The following WRN variants were observed in gnomAD, a reference collection of about 807,000 sequenced individuals.
The protein encoded by WRN is WRN RecQ like helicase, also known as bifunctional 3'-5' exonuclease/ATP-dependent helicase WRN.
WRN carries 149 observed loss-of-function variants against 180.7 expected under a neutral mutation model. The observed-to-expected ratio is 0.82, with a 90% CI of 0.72 to 0.94. The LOEUF (loss-of-function observed/expected upper bound fraction) is 0.94, where lower values mean the gene tolerates loss of function less well. Among genes scored for constraint, WRN ranks in the 40% least tolerant of loss-of-function variants. The pLI is 0.00. For missense variants in WRN, 1,661 were observed against 1,700.1 expected, an observed-to-expected ratio of 0.98 and a Z score of 0.40; for synonymous variants, 548 against 568.9, an observed-to-expected ratio of 0.96 and a Z score of 0.52.
intron 31 of WRN, among the ~76,000 whole-genome samples, chr8:31,154,194 A>G (rs531506177): frequency 3.3e-5 from 5 of 151,996 alleles, no homozygotes; most frequent in African/African-American, 1.2e-4. Context: ...ATATGTAGAG[A>G]GAGTGTTATG....
At chr8:31,066,340 C>T (rs1812703296) in intron 5 of WRN, among the ~76,000 whole-genome samples, 1 of 152,060 alleles carries the variant, frequency 6.6e-6, no homozygotes. Flanking sequence ...CGTGCCACCA[C>T]ACCCAGCTAA....
intron 23 of WRN, among the ~76,000 whole-genome samples, chr8:31,129,073 G>GCTCAAGCAATTCTCTTGC (rs1802046474): frequency 3.9e-5 from 6 of 152,080 alleles, no homozygotes; most frequent in Admixed American, 3.9e-4. Flanking sequence ...AAATTCCTGG[G>GCTCAAGCAATTCTCTTGC]CTCAAGCAAT....
chr8:31,106,993 C>T (rs559636348), intron 18 of WRN, among the ~76,000 whole-genome samples: 127 of 152,236 alleles, frequency 8.3e-4, no homozygotes, highest in African/African-American at 2.9e-3. Flanking sequence ...ATAGCTGCAC[C>T]ATACAACATC....
intron 34 of WRN, among the ~76,000 whole-genome samples, chr8:31,172,402 G>A (rs1563396322): frequency 6.6e-6 from 1 of 152,130 alleles, no homozygotes; most frequent in South Asian, 2.1e-4. Flanking sequence ...TTGTGCACGT[G>A]TATGTTTCTC....
chr8:31,067,372 A>G (rs554174469), intron 6 of WRN, among the ~76,000 whole-genome samples, 190 bp downstream of exon 6: 10 of 152,332 alleles, frequency 6.6e-5, no homozygotes, highest in South Asian at 2.1e-4. Flanking sequence ...GCAAGTACCA[A>G]TCAACAGATT....
chr8:31,154,615 A>T lies in WRN; in HGVS notation c.3688-9A>T. The stretch of plus-strand genomic sequence containing the variant: ...ACTGATCATTTGTGCTACATTAAAA[A>T]TTCTGTAGACAGACCTCTTTTCAAG... On this transcript the variant is annotated splice_polypyrimidine_tract_variant and intron_variant, in intron 31 of 34. Coordinates refer to ENST00000298139, the MANE Select transcript of WRN (RefSeq NM_000553.6). 1 of 1,609,620 alleles carries T rather than the reference A, an allele frequency of 6.2e-7. No individual in the cohort carries two copies.
chr8:31,109,594 AT>A (rs552554635), intron 18 of WRN, among the ~76,000 whole-genome samples: 4 of 151,302 alleles, frequency 2.6e-5, no homozygotes, highest in Non-Finnish European at 5.9e-5. Context: ...AATTCTTTTT[AT>A]TTATTTTAAT....
intron 23 of WRN, among the ~76,000 whole-genome samples, chr8:31,127,395 C>T (rs939875199): frequency 6.6e-6 from 1 of 152,020 alleles, no homozygotes; most frequent in South Asian, 2.1e-4. Context: ...CACATACATA[C>T]AACCAATTTG....
intron 11 of WRN, among the ~76,000 whole-genome samples, chr8:31,086,517 G>A (rs1813536425): frequency 6.6e-6 from 1 of 151,936 alleles, no homozygotes. Flanking sequence ...GGTTGAGGCT[G>A]CAGTTAGCCA....
intron 1 of WRN, among the ~76,000 whole-genome samples, chr8:31,040,447 A>C (rs1175073451): frequency 1.3e-5 from 2 of 152,172 alleles, no homozygotes; most frequent in Non-Finnish European, 2.9e-5. Context: ...TGATGTTTAG[A>C]GATTGGGGAG....
At chr8:31,039,124 G>A (rs748672113) in intron 1 of WRN, among the ~76,000 whole-genome samples, 63 of 152,244 alleles carry the variant, frequency 4.1e-4, no homozygotes, top group Non-Finnish European at 8.2e-4. Context: ...CCTTTTGATA[G>A]GGATTGCATT....
At position 31,087,927 on chromosome 8, in the gene WRN, A is replaced by G. The variant is rs753291353; in HGVS notation, c.1576+7A>G. The G allele has an allele frequency of 6.2e-7, 1 of 1,612,114 alleles. No homozygotes were observed. The highest frequency in any genetic ancestry group is 8.5e-7 in the Non-Finnish European group (1 of 1,178,930). On this transcript the variant is annotated splice_region_variant and intron_variant, in intron 12 of 34. Coordinates refer to ENST00000298139, the MANE Select transcript of WRN (RefSeq NM_000553.6). ...GAAGAAGATGATGATAAGGGTAAGC[A>G]CTGAAGTATGTTTGAAATGACTCAC... is the stretch of plus-strand genomic sequence containing the variant.
In WRN at chr8:31,089,912, G is replaced by A. The variant is rs11574247; in HGVS notation, c.1653-553G>A. ...TTTAAAATGCATCTCAGGGTCAATC[G>A]AGGACACCATTACACTTCCACCTAA... On this transcript the variant is annotated intron_variant, in intron 13 of 34. Transcript: ENST00000298139. Among the ~76,000 whole-genome samples the A allele has an allele frequency of 9.2e-5, 14 of 151,912 alleles. No homozygotes were observed. The East Asian group carries it at 2.1e-3, about 23-fold the overall frequency.
In WRN at chr8:31,087,797, G is replaced by A. The variant is rs1191046615; in HGVS notation, c.1453G>A (p.Gly485Ser). Residue 485 changes from glycine (G) to serine (S), a missense_variant, in exon 12 of 35, where the codon GGC becomes AGC. Transcript: ENST00000298139. ...MLKSLENLNSGTVEPTHSKCL... is the reference protein window; with the variant it reads ...MLKSLENLNSSTVEPTHSKCL... ...TCAGTCTTTAGAAAACCTCAATAGT[G>A]GCACGGTAGAACCAACTCATTCTAA... is the stretch of plus-strand genomic sequence containing the variant. The A allele has an allele frequency of 6.2e-7, 1 of 1,613,306 alleles. No homozygotes were observed. The highest frequency in any genetic ancestry group is 1.3e-5 in the African/African-American group (1 of 74,866).
chr8:31,156,850 A>C lies in WRN; in HGVS notation c.3820-518A>C, dbSNP rs147106893. On this transcript the variant is annotated intron_variant, in intron 32 of 34. Coordinates refer to ENST00000298139, the MANE Select transcript of WRN (RefSeq NM_000553.6). ...GAACTGTGGTTATTATTATTTTATG[A>C]ATAGAGCCAATTTCAAACACCTATT... Among the ~76,000 whole-genome samples, 298 of 152,336 alleles carry C rather than the reference A, an allele frequency of 2.0e-3. 1 individual carries two copies. Among genetic ancestry groups the C allele is most frequent in the African/African-American group, 6.9e-3 (286 of 41,574 alleles).
intron 5 of WRN, among the ~76,000 whole-genome samples, chr8:31,066,575 A>C (rs1323098708): frequency 6.6e-6 from 1 of 151,926 alleles, no homozygotes; most frequent in Non-Finnish European, 1.5e-5. Flanking sequence ...TTTTTAATCC[A>C]TGTATACCAG....
intron 24 of WRN, among the ~76,000 whole-genome samples, chr8:31,135,309 C>T (rs1295795838): frequency 3.3e-5 from 5 of 152,000 alleles, no homozygotes; most frequent in Non-Finnish European, 7.4e-5. Context: ...TACCCACCAC[C>T]CTTGGCCTCC....
chr8:31,091,882 C>G lies in WRN; in HGVS notation c.1882C>G (p.Leu628Val), dbSNP rs77969734. The change falls in exon 16 of 35, where the codon CTA (leucine) becomes GTA (valine). Residue 628 changes from leucine (L) to valine (V), a missense_variant. Physicochemically the swap from Leu to Val is conservative, Grantham distance 32 (BLOSUM62 1). This residue lies in a region of WRN where 1,141 missense variants were observed against 1,149.4 expected (regional missense o/e 0.99). Transcript: ENST00000298139. ...FLGSAQSENV[L>V]TDIKLGKYRI... ...TGGATCAGCACAGTCAGAAAATGTTCTAACAGATATTAAATTGTGAGTAAT... is the reference window on the plus strand; with the variant it reads ...TGGATCAGCACAGTCAGAAAATGTTGTAACAGATATTAAATTGTGAGTAAT... The G allele has an allele frequency of 4.8e-4, 777 of 1,612,944 alleles. 4 individuals carry two copies. In the East Asian group the frequency reaches 0.014, roughly 30 times the overall value.
rs2130157305 is a variant in WRN at position 31,087,900 on chromosome 8, G to A, written c.1556G>A (p.Gly519Glu). 1 of 1,613,286 alleles carries A rather than the reference G, an allele frequency of 6.2e-7. No individual in the cohort carries two copies. The highest frequency in any genetic ancestry group is 8.5e-7 in the Non-Finnish European group (1 of 1,179,666). ...GATGATGAAAATGAAGCTAATGAAGGGGAAGAAGATGATGATAAGGGTAAG... is the reference window on the plus strand; with the variant it reads ...GATGATGAAAATGAAGCTAATGAAGAGGAAGAAGATGATGATAAGGGTAAG... ...EEDDENEANE[G>E]EEDDDKDFLW... Residue 519 changes from glycine to glutamate, a missense_variant, in exon 12 of 35, where the codon GGG becomes GAG. Gly to Glu is a moderately conservative substitution (Grantham distance 98). This residue lies in a region of WRN where 1,141 missense variants were observed against 1,149.4 expected (regional missense o/e 0.99). Coordinates refer to ENST00000298139, the MANE Select transcript of WRN (RefSeq NM_000553.6).
Sources: allele counts gnomAD v4.1 joint callset (sites outside exome capture counted in the v4.1 genomes callset), GRCh38; gene constraint gnomAD v4.1.1; regional missense constraint gnomAD v4.1.1; transcripts MANE v1.5; gene names NCBI Gene and HGNC (gene_info 2026-07-23, HGNC 2026-07-21).